USP49: variants seen among roughly 807,000 people sequenced by gnomAD.
USP49 encodes the protein ubiquitin specific peptidase 49.
Under a neutral mutation model 58.6 loss-of-function variants are expected in USP49, and 24 were observed. The ratio of observed to expected loss-of-function variants is 0.41; its 90% CI spans 0.30 to 0.58. The LOEUF (loss-of-function observed/expected upper bound fraction) is 0.58, where lower values mean the gene tolerates loss of function less well. USP49 is among the 20% of genes least tolerant of loss of function. The pLI, the probability that USP49 is intolerant of heterozygous loss-of-function variation, is 0.30. For missense variants in USP49, 703 were observed against 866.1 expected (o/e 0.81, Z 2.36); for synonymous variants, 408 against 365.1 (o/e 1.12, Z -1.34).
rs189175711 is a variant in USP49 at position 41,809,482 on chromosome 6, G to A, written c.-28-2471C>T. Among the ~76,000 whole-genome samples, 373 of 151,890 alleles carry A rather than the reference G, an allele frequency of 2.5e-3. 2 individuals are homozygous for A. Among genetic ancestry groups the A allele is most frequent in the African/African-American group, 8.5e-3 (353 of 41,444 alleles). Reference sequence around the variant, plus strand: ...GGAGGTTGCAGTGAGCCAAGATCGCGCCATTGCATTCCAGCCTGGAGGACA... The same window carrying A: ...GGAGGTTGCAGTGAGCCAAGATCGCACCATTGCATTCCAGCCTGGAGGACA... On this transcript the variant is annotated intron_variant, in intron 3 of 7. Coordinates refer to ENST00000682992, the MANE Select transcript of USP49 (RefSeq NM_001286554.2).
At chr6:41,879,882 C>T (rs569531632) in intron 2 of USP49, among the ~76,000 whole-genome samples, 20 of 152,312 alleles carry the variant, frequency 1.3e-4, no homozygotes, top group African/African-American at 4.8e-4. Flanking sequence ...GAATAAACCA[C>T]CAGTTAACTT....
At chr6:41,876,931 A>G (rs1382722988) in intron 2 of USP49, among the ~76,000 whole-genome samples, 1 of 152,342 alleles carries the variant, frequency 6.6e-6, no homozygotes, top group Middle Eastern at 3.4e-3. Flanking sequence ...TAAACTAGGT[A>G]TCAGGAAGCC....
chr6:41,830,722 C>G (rs1773618510), intron 3 of USP49, among the ~76,000 whole-genome samples: 1 of 151,770 alleles, frequency 6.6e-6, no homozygotes, highest in African/African-American at 2.4e-5. Context: ...ACTCAGGAGG[C>G]TGAAGCAAGA....
rs956378303 is a variant in USP49, at chr6:41,807,097, A to G, written c.-28-86T>C. 6.6e-6 allele frequency: 8 copies of G among 1,205,340 alleles called. No homozygotes were observed. The African/African-American group carries it at 1.2e-4, about 18-fold the overall frequency. The allele number at this position is 1,205,340 out of a possible 1,614,324, so 74.7% of individuals were successfully genotyped here. On this transcript the variant is annotated intron_variant, in intron 3 of 7. Transcript: ENST00000682992. ...TTCCTTAAAAAAAAAAAAAAAAGTA[A>G]AAGGCTTGCAATTGATATTTCAACT... is the stretch of plus-strand genomic sequence containing the variant.
rs1245526394 is a variant in USP49, at chr6:41,806,520, A to G, written c.464T>C (p.Leu155Pro). The change falls in exon 4 of 8, where the codon CTG (leucine) becomes CCG (proline). Residue 155 changes from leucine to proline, a missense_variant. Physicochemically the swap from Leu to Pro is moderately conservative, Grantham distance 98. Around this residue, in one of 6 missense-constraint regions of USP49, gnomAD observed 376 missense variants for 373.5 expected, o/e 1.01. Transcript: ENST00000682992. The surrounding 1 kb of genome is among the most constrained non-coding windows in gnomAD (Gnocchi z 5.9). ...YRRQRLLART[L>P]RLWFEKSSRG... ...GGAGCTCTTCTCGAACCACAGCCGC[A>G]GCGTCCTGGCCAGCAGGCGCTGACG... is the stretch of plus-strand genomic sequence containing the variant. 6.3e-7 allele frequency: 1 copy of G among 1,599,440 alleles called. No individual in the cohort carries two copies.
chr6:41,868,421 G>T (rs1410893945), intron 3 of USP49, among the ~76,000 whole-genome samples: 1 of 152,072 alleles, frequency 6.6e-6, no homozygotes, highest in Non-Finnish European at 1.5e-5. Flanking sequence ...TCCGCCTCCC[G>T]GGTTCAAGTG....
chr6:41,850,511 A>T (rs1774008711), intron 3 of USP49, among the ~76,000 whole-genome samples: 1 of 151,772 alleles, frequency 6.6e-6, no homozygotes, highest in Non-Finnish European at 1.5e-5. Context: ...GAAAGGGGAA[A>T]TTGTAACTGA....
intron 2 of USP49, among the ~76,000 whole-genome samples, chr6:41,886,809 G>A (rs952223768): frequency 2.0e-5 from 3 of 152,222 alleles, no homozygotes; most frequent in Non-Finnish European, 4.4e-5. Context: ...TGAGACAGGA[G>A]AATCACTTGA....
intron 3 of USP49, among the ~76,000 whole-genome samples, chr6:41,835,466 C>T (rs1242247718): frequency 6.6e-6 from 1 of 152,136 alleles, no homozygotes; most frequent in African/African-American, 2.4e-5. Context: ...GTAATCCCAG[C>T]ACTTTGGGAG....
intron 3 of USP49, among the ~76,000 whole-genome samples, chr6:41,808,812 G>A (rs1265857764): frequency 6.6e-6 from 1 of 152,140 alleles, no homozygotes; most frequent in Admixed American, 6.6e-5. Context: ...GGGCACCGTG[G>A]CTTGCACACT....
chr6:41,818,184 C>T (rs1444337907), intron 3 of USP49, among the ~76,000 whole-genome samples: 3 of 152,104 alleles, frequency 2.0e-5, no homozygotes, highest in Admixed American at 6.5e-5. Flanking sequence ...CTGAAGGGAT[C>T]AGACTTTTTG....
intron 3 of USP49, among the ~76,000 whole-genome samples, chr6:41,861,374 C>T (rs1475164726): frequency 6.6e-6 from 1 of 151,622 alleles, no homozygotes; most frequent in Non-Finnish European, 1.5e-5. Flanking sequence ...ACCCAGGAGG[C>T]AGAGCTTGCA....
intron 3 of USP49, among the ~76,000 whole-genome samples, chr6:41,826,343 T>C (rs1006215586): frequency 6.6e-6 from 1 of 152,150 alleles, no homozygotes; most frequent in Non-Finnish European, 1.5e-5. Flanking sequence ...TATCTAATAC[T>C]GGCAGAAGCA....
intron 3 of USP49, among the ~76,000 whole-genome samples, chr6:41,821,932 C>A (rs112175040): frequency 6.8e-4 from 104 of 152,074 alleles, no homozygotes; most frequent in Non-Finnish European, 1.1e-3. Flanking sequence ...GTCTACATGA[C>A]GCTGGTTTTA....
rs188286691 is a variant in USP49 at position 41,818,405 on chromosome 6, T to C, written c.-28-11394A>G. ...CTTAGAAATGTTATCCTCGACTCTC[T>C]GCAGAGAAGTGGCAGCCAAAAGTGG... is the stretch of plus-strand genomic sequence containing the variant. On this transcript the variant is annotated intron_variant, in intron 3 of 7. Coordinates refer to ENST00000682992, the MANE Select transcript of USP49 (RefSeq NM_001286554.2). 4.7e-3 allele frequency among the ~76,000 whole-genome samples: 722 copies of C among 152,288 alleles called. 5 individuals are homozygous for C. Among genetic ancestry groups the C allele is most frequent in the African/African-American group, 0.016 (678 of 41,550 alleles).
At chr6:41,822,886 G>A (rs887095567) in intron 3 of USP49, among the ~76,000 whole-genome samples, 1 of 151,830 alleles carries the variant, frequency 6.6e-6, no homozygotes, top group Non-Finnish European at 1.5e-5. Context: ...CCAAAGAAAA[G>A]GAGTCAAATA....
chr6:41,856,268 G>A (rs1774129871), intron 3 of USP49, among the ~76,000 whole-genome samples: 1 of 151,590 alleles, frequency 6.6e-6, no homozygotes, highest in Non-Finnish European at 1.5e-5. Context: ...CCAGCTACTC[G>A]GAAGGCTGAG....
intron 2 of USP49, among the ~76,000 whole-genome samples, chr6:41,889,191 T>G (rs967772321): frequency 2.0e-5 from 3 of 151,824 alleles, no homozygotes; most frequent in African/African-American, 2.4e-5. Flanking sequence ...TGCCACCACG[T>G]GTGGCTAATT....
At chr6:41,860,786 A>G (rs1218423826) in intron 3 of USP49, among the ~76,000 whole-genome samples, 3 of 151,950 alleles carry the variant, frequency 2.0e-5, no homozygotes, top group African/African-American at 7.2e-5. Context: ...CTAGGATTAC[A>G]GGTGTGAGCC....
Sources: allele counts gnomAD v4.1 joint callset (sites outside exome capture counted in the v4.1 genomes callset), GRCh38; gene constraint gnomAD v4.1.1; regional missense constraint gnomAD v4.1.1; non-coding constraint Gnocchi (gnomAD v3.1); transcripts MANE v1.5; gene names NCBI Gene and HGNC (gene_info 2026-07-23, HGNC 2026-07-21).